Variants in HEATR5B observed in about 807,000 individuals in gnomAD.
The protein encoded by HEATR5B is HEAT repeat-containing protein 5B.
HEATR5B carries 156 observed loss-of-function variants against 224.1 expected under a neutral mutation model. The observed-to-expected ratio is 0.70, with a 90% CI of 0.61 to 0.80. The LOEUF (loss-of-function observed/expected upper bound fraction) is 0.80. Among genes scored for constraint, HEATR5B ranks in the 30% least tolerant of loss-of-function variants. The probability of loss-of-function intolerance (pLI) is 0.00; values close to 1 mark genes in which losing one functional copy is unlikely to be tolerated. For synonymous variants in HEATR5B, 1,027 were observed against 893.0 expected, an observed-to-expected ratio of 1.15 and a Z score of -2.68; for missense variants, 2,323 against 2,535.5, an observed-to-expected ratio of 0.92 and a Z score of 1.80.
intron 20 of HEATR5B, among the ~76,000 whole-genome samples, chr2:37,038,920 G>C (rs111815753): frequency 8.0e-6 from 1 of 124,590 alleles, no homozygotes; most frequent in African/African-American, 3.1e-5. Flanking sequence ...GGGGGGTGGG[G>C]AATCACATAT....
Position 36,990,747 on chromosome 2 carries a change from G to C in HEATR5B, c.5598C>G (p.Leu1866=). Residue 1866 remains leucine (L), a synonymous_variant, in exon 34 of 36, where the codon CTC becomes CTG. Transcript: ENST00000233099. ...TTTCATTACTAGCAGACCACAGGAA[G>C]AGTGCAATTGCTGTTAGCATGCTTA... The part of the protein sequence containing the change: ...DEVSMLTAIA[L]FLWSASNEII... 6.2e-7 allele frequency: 1 copy of C among 1,611,262 alleles called. No individual in the cohort carries two copies. The highest frequency in any genetic ancestry group is 8.5e-7 in the Non-Finnish European group (1 of 1,177,958).
intron 2 of HEATR5B, among the ~76,000 whole-genome samples, chr2:37,079,909 A>C (rs1333444727): frequency 1.3e-5 from 2 of 152,218 alleles, no homozygotes; most frequent in Non-Finnish European, 2.9e-5. Flanking sequence ...CCCTGCCCTC[A>C]TTAAGTTTAC....
At chr2:37,055,368 T>A (rs1468251878) in intron 16 of HEATR5B, among the ~76,000 whole-genome samples, 1 of 152,172 alleles carries the variant, frequency 6.6e-6, no homozygotes, top group Non-Finnish European at 1.5e-5. Flanking sequence ...ATTGAGATAA[T>A]CCTGGATTTC....
intron 2 of HEATR5B, among the ~76,000 whole-genome samples, chr2:37,082,719 T>C (rs1672671186): frequency 2.6e-5 from 4 of 152,252 alleles, no homozygotes; most frequent in Admixed American, 1.3e-4. Flanking sequence ...AGAAACAATG[T>C]TAATGGCTGG....
At chr2:37,034,601 A>T in intron 21 of HEATR5B, among the ~76,000 whole-genome samples, 1 of 115,012 alleles carries the variant, frequency 8.7e-6, no homozygotes, top group Non-Finnish European at 1.7e-5. Flanking sequence ...CGACACAGCG[A>T]GACTCTGTCT....
chr2:36,993,452 G>T (rs1666472020), intron 33 of HEATR5B, among the ~76,000 whole-genome samples: 1 of 151,694 alleles, frequency 6.6e-6, no homozygotes. Flanking sequence ...CGGGAGAATT[G>T]CTTGAACATA....
chr2:37,068,868 G>C lies in HEATR5B; in HGVS notation c.990C>G (p.Phe330Leu). Residue 330 changes from phenylalanine to leucine, a missense_variant, in exon 8 of 36, where the codon TTC (phenylalanine) becomes TTG (leucine). By Grantham distance (22) the Phe-to-Leu change is conservative. Around this residue, in one of 12 missense-constraint regions of HEATR5B, gnomAD observed 502 missense variants for 517.8 expected, o/e 0.97. Coordinates refer to ENST00000233099, the MANE Select transcript of HEATR5B (RefSeq NM_019024.3). ...AAACCAGATCAAGTACATGGGACAG[G>C]AACGTGGCAAAGCTGCGCTCCAACC... ...GQWLERSFAT[F>L]LSHVLDLVSH... The C allele has an allele frequency of 6.2e-7, 1 of 1,614,140 alleles. No homozygotes were observed. Among genetic ancestry groups the C allele is most frequent in the East Asian group, 2.2e-5 (1 of 44,880 alleles).
rs1053152309 is a variant in HEATR5B, at chr2:37,075,590, T to C, written c.492A>G (p.Leu164=). The change falls in exon 5 of 36, where the codon CTA becomes CTG. Residue 164 remains leucine, a synonymous_variant. Transcript: ENST00000233099. Reference sequence around the variant, plus strand: ...AAGCTGCTGCACCACCCAGTCCACTTAGAACTTTCTGTAGACTCATTAAGA... The same window carrying C: ...AAGCTGCTGCACCACCCAGTCCACTCAGAACTTTCTGTAGACTCATTAAGA... ...SEILMSLQKV[L]SGLGGAAASS... The C allele has an allele frequency of 3.7e-6, 6 of 1,613,800 alleles. No individual in the cohort carries two copies. The highest frequency in any genetic ancestry group is 1.1e-5 in the South Asian group (1 of 91,068).
chr2:37,055,278 G>A (rs936964071), intron 16 of HEATR5B, among the ~76,000 whole-genome samples: 26 of 151,886 alleles, frequency 1.7e-4, no homozygotes, highest in African/African-American at 6.0e-4. Flanking sequence ...GAATATTTAT[G>A]TTATTTATTA....
chr2:37,006,626 A>G (rs778056135), intron 29 of HEATR5B, among the ~76,000 whole-genome samples: 3 of 152,220 alleles, frequency 2.0e-5, no homozygotes, highest in Non-Finnish European at 2.9e-5. Context: ...GGGCAACAAG[A>G]GTGAAACTCT....
At position 37,028,786 on chromosome 2, in the gene HEATR5B, A is replaced by T; in HGVS notation, c.3496T>A (p.Cys1166Ser). Residue 1166 changes from cysteine (C) to serine (S), a missense_variant, in exon 23 of 36, where the codon TGT (cysteine) becomes AGT (serine). Physicochemically the swap from Cys to Ser is moderately radical, Grantham distance 112. Around this residue, in one of 12 missense-constraint regions of HEATR5B, gnomAD observed 339 missense variants for 378.4 expected, o/e 0.90. Coordinates refer to ENST00000233099, the MANE Select transcript of HEATR5B (RefSeq NM_019024.3). ...MLDRETDRKL[C>S]SDIHDTLGHM... ...CCCAAAGTGTCATGAATATCAGAAC[A>T]TAATTTTCGATCTGTCTCCCGGTCT... 6.2e-7 allele frequency: 1 copy of T among 1,614,166 alleles called. No individual in the cohort carries two copies. The highest frequency in any genetic ancestry group is 1.7e-5 in the Admixed American group (1 of 60,012).
At chr2:36,995,547 G>A (rs147157868) in intron 33 of HEATR5B, among the ~76,000 whole-genome samples, 16 of 152,214 alleles carry the variant, frequency 1.1e-4, no homozygotes, top group Admixed American at 2.6e-4. Flanking sequence ...TAATTTTTTA[G>A]AAGTCACATA....
intron 26 of HEATR5B, among the ~76,000 whole-genome samples, chr2:37,015,925 T>C (rs1668084475): frequency 1.3e-5 from 2 of 151,820 alleles, no homozygotes; most frequent in Admixed American, 1.3e-4. Flanking sequence ...CCAGACCAGA[T>C]GGAACATAGT....
rs1320492767 is a variant in HEATR5B, at chr2:36,981,207, C to T, written c.*283G>A. 1 of 268,934 alleles carries T rather than the reference C, an allele frequency of 3.7e-6. No homozygotes were observed. The highest frequency in any genetic ancestry group is 6.9e-6 in the Non-Finnish European group (1 of 145,608). The allele number at this position is 268,934 out of a possible 1,614,324, so 16.7% of individuals were successfully genotyped here. On this transcript the variant is annotated 3_prime_UTR_variant, in exon 36 of 36. Coordinates refer to ENST00000233099, the MANE Select transcript of HEATR5B (RefSeq NM_019024.3). The stretch of plus-strand genomic sequence containing the variant: ...GACTACATGATACAATTGTTTTTAG[C>T]ATTTAAATTTAAGACTATGGCTCAG...
chr2:37,042,932 G>A (rs1669965427), intron 18 of HEATR5B, among the ~76,000 whole-genome samples: 1 of 149,802 alleles, frequency 6.7e-6, no homozygotes, highest in Non-Finnish European at 1.5e-5. Flanking sequence ...TAATGCTGAA[G>A]ATGAAGCCCA....
At position 37,003,260 on chromosome 2, in the gene HEATR5B, C is replaced by CAA. The variant is rs757178937; in HGVS notation, c.5050+280_5050+281dup. Among the ~76,000 whole-genome samples the CAA allele has an allele frequency of 6.9e-3, 390 of 56,890 alleles. 17 individuals carry two copies. Among genetic ancestry groups the CAA allele is most frequent in the African/African-American group, 0.026 (348 of 13,526 alleles). 37.3% of individuals were successfully genotyped at this position (56,890 alleles called of 152,430 possible). A position where few individuals can be genotyped will look rare whatever the true frequency, so the allele number is the denominator to read the frequency against. On this transcript the variant is annotated intron_variant, in intron 31 of 35. Transcript: ENST00000233099. ...CTTGAGAGTAAGACTGTCCCGCCCGCAAAAAAAAAAAAAAAAAAAAAAAAA... is the reference window on the plus strand; with the variant it reads ...CTTGAGAGTAAGACTGTCCCGCCCGCAAAAAAAAAAAAAAAAAAAAAAAAAAA...
chr2:37,015,744 G>C (rs1668070820), intron 26 of HEATR5B, among the ~76,000 whole-genome samples: 1 of 152,204 alleles, frequency 6.6e-6, no homozygotes, highest in Non-Finnish European at 1.5e-5. Flanking sequence ...GTGCCACTAA[G>C]AGACTTGTGG....
At chr2:37,044,037 A>C (rs1670036465) in intron 18 of HEATR5B, among the ~76,000 whole-genome samples, 2 of 152,344 alleles carry the variant, frequency 1.3e-5, no homozygotes, top group South Asian at 4.1e-4. Context: ...TATATCCAAA[A>C]TATTAAAATA....
At position 37,070,715 on chromosome 2, in the gene HEATR5B, C is replaced by T. The variant is rs182065216; in HGVS notation, c.770-328G>A. ...ACTAACTGATCTCAGTTCTCATTCC[C>T]GCCTGAGGTGGACACAAAAAACTTT... is the stretch of plus-strand genomic sequence containing the variant. On this transcript the variant is annotated intron_variant, in intron 6 of 35. Coordinates refer to ENST00000233099, the MANE Select transcript of HEATR5B (RefSeq NM_019024.3). Among the ~76,000 whole-genome samples the T allele has an allele frequency of 2.0e-5, 3 of 152,322 alleles. No homozygotes were observed. In the East Asian group the frequency reaches 5.8e-4, roughly 29 times the overall value.
Sources: allele counts gnomAD v4.1 joint callset (sites outside exome capture counted in the v4.1 genomes callset), GRCh38; gene constraint gnomAD v4.1.1; regional missense constraint gnomAD v4.1.1; transcripts MANE v1.5; gene names NCBI Gene and HGNC (gene_info 2026-07-23, HGNC 2026-07-21).